DIP2C: variants seen among roughly 807,000 people sequenced by gnomAD.
The protein encoded by DIP2C is DIP2 acetate--CoA ligase C (putative).
A neutral mutation model predicts 192.4 loss-of-function variants in DIP2C; 33 were observed. The ratio of observed to expected loss-of-function variants is 0.17; its 90% CI spans 0.13 to 0.23. The LOEUF (loss-of-function observed/expected upper bound fraction) is 0.23. Among genes scored for constraint, DIP2C ranks in the 10% least tolerant of loss-of-function variants. The pLI, the probability that DIP2C is intolerant of heterozygous loss-of-function variation, is 1.00. For synonymous variants in DIP2C, 979 were observed against 864.1 expected (o/e 1.13, Z -2.33); for missense variants, 1,537 against 2,110.1 (o/e 0.73, Z 5.32).
chr10:668,868 T>C (rs1409003662), intron 1 of DIP2C: 2 of 152,340 alleles, frequency 1.3e-5, no homozygotes, highest in African/African-American at 2.4e-5. Context: ...AAACCCTTTT[T>C]TCATTTTACA....
chr10:421,151 C>A, intron 5 of DIP2C, among the ~76,000 whole-genome samples: 1 of 152,120 alleles, frequency 6.6e-6, no homozygotes, highest in East Asian at 1.9e-4. Context: ...GGAAGATTAT[C>A]TTTGTGCCTA....
chr10:353,074 A>T (rs1958901432), intron 24 of DIP2C, among the ~76,000 whole-genome samples: 1 of 152,164 alleles, frequency 6.6e-6, no homozygotes, highest in Non-Finnish European at 1.5e-5. Context: ...GAAACCCACC[A>T]GCTAAGAAGA....
intron 2 of DIP2C, among the ~76,000 whole-genome samples, chr10:473,922 T>A (rs942201823): frequency 6.6e-6 from 1 of 152,186 alleles, no homozygotes; most frequent in African/African-American, 2.4e-5. Flanking sequence ...GTGGGTCTCA[T>A]GTATCAGGCT....
intron 1 of DIP2C, among the ~76,000 whole-genome samples, chr10:681,227 G>A (rs1459067377): frequency 2.0e-5 from 3 of 146,760 alleles, no homozygotes; most frequent in Admixed American, 6.8e-5. Flanking sequence ...CTATGGCCAC[G>A]GATATTGGGA....
At chr10:639,218 C>T (rs1285766211) in intron 1 of DIP2C, among the ~76,000 whole-genome samples, 2 of 147,714 alleles carry the variant, frequency 1.4e-5, no homozygotes, top group Admixed American at 6.7e-5. Context: ...TGCTGCCCGG[C>T]TCACGGTCCA....
rs1279834083 is a variant in DIP2C, at chr10:362,705, A to G, written c.2593-14T>C. 3.1e-6 allele frequency: 5 copies of G among 1,594,496 alleles called. No homozygotes were observed. Among genetic ancestry groups the G allele is most frequent in the Non-Finnish European group, 3.4e-6 (4 of 1,169,912 alleles). On this transcript the variant is annotated splice_polypyrimidine_tract_variant and intron_variant, in intron 21 of 36. Transcript: ENST00000280886. The stretch of plus-strand genomic sequence containing the variant: ...ACTGTCAATCGCCTAGAAAGTTAAT[A>G]AAGAGGAAATCATGTTATAAGAGGA...
At chr10:493,026 G>A (rs1001826420) in intron 1 of DIP2C, among the ~76,000 whole-genome samples, 11 of 152,214 alleles carry the variant, frequency 7.2e-5, no homozygotes, top group South Asian at 2.1e-4. Flanking sequence ...GCAGTGTGCC[G>A]CGCGGAGCAG....
At chr10:476,250 G>A (rs569585110) in intron 2 of DIP2C, among the ~76,000 whole-genome samples, 8 of 152,284 alleles carry the variant, frequency 5.3e-5, no homozygotes, top group African/African-American at 1.9e-4. Flanking sequence ...TCTCCTCCCA[G>A]GAGCACCTGC....
At chr10:329,775 C>T (rs552685452) in intron 29 of DIP2C, among the ~76,000 whole-genome samples, 174 bp from the exon 30 acceptor site, 6 of 152,308 alleles carry the variant, frequency 3.9e-5, no homozygotes, top group Middle Eastern at 3.4e-3. Context: ...ACCATGTTCA[C>T]GAAAGCCTTC....
intron 1 of DIP2C, among the ~76,000 whole-genome samples, chr10:557,074 G>A (rs946610809): frequency 1.3e-5 from 2 of 152,248 alleles, no homozygotes; most frequent in African/African-American, 4.8e-5. Context: ...GCTGGTCAGT[G>A]TGGCCCACGG....
At chr10:298,987 G>C (rs1172357617) in intron 32 of DIP2C, among the ~76,000 whole-genome samples, 1 of 152,212 alleles carries the variant, frequency 6.6e-6, no homozygotes, top group African/African-American at 2.4e-5. Context: ...ATATGTTTAT[G>C]AGCATGTGTA....
chr10:310,565 G>C (rs1252100795), intron 31 of DIP2C, among the ~76,000 whole-genome samples: 1 of 152,202 alleles, frequency 6.6e-6, no homozygotes, highest in East Asian at 1.9e-4. Flanking sequence ...GGAGCATCTT[G>C]CTCCTCCGGG....
intron 31 of DIP2C, among the ~76,000 whole-genome samples, chr10:320,570 G>A (rs1378086376): frequency 6.6e-6 from 1 of 151,944 alleles, no homozygotes; most frequent in Non-Finnish European, 1.5e-5. Context: ...ATCCAGAAGT[G>A]ACTGTGATGA....
rs199506044 is a variant in DIP2C at position 434,714 on chromosome 10, AC to A, written c.394+6156del. Reference sequence around the variant, plus strand: ...CTGAGAAAGTCTTTACTTTTCCTTCACTTTTTGAAAGATAATTTCACAGGGT... The same window carrying A: ...CTGAGAAAGTCTTTACTTTTCCTTCATTTTTGAAAGATAATTTCACAGGGT... On this transcript the variant is annotated intron_variant, in intron 4 of 36. Coordinates refer to ENST00000280886, the MANE Select transcript of DIP2C (RefSeq NM_014974.3). Among the ~76,000 whole-genome samples the A allele has an allele frequency of 1.5e-3, 212 of 140,920 alleles. 2 individuals are homozygous for A. Among genetic ancestry groups the A allele is most frequent in the African/African-American group, 6.8e-3 (209 of 30,734 alleles). 92.4% of individuals were successfully genotyped at this position (140,920 alleles called of 152,430 possible).
intron 1 of DIP2C, among the ~76,000 whole-genome samples, chr10:554,172 A>G (rs558478104): frequency 6.6e-6 from 1 of 151,946 alleles, no homozygotes; most frequent in Non-Finnish European, 1.5e-5. Context: ...GTGGTGAACA[A>G]GCAAGAAATA....
In DIP2C at chr10:416,295, A is replaced by C. The variant is rs367689338; in HGVS notation, c.740-407T>G. ...GAGCAGTAAGTCCTTCCCTGCGTCT[A>C]TCTCTCCAGAGACCACCAGCATTCA... On this transcript the variant is annotated intron_variant, in intron 6 of 36. Coordinates refer to ENST00000280886, the MANE Select transcript of DIP2C (RefSeq NM_014974.3). 4.6e-5 allele frequency among the ~76,000 whole-genome samples: 7 copies of C among 152,008 alleles called. No individual in the cohort carries two copies. In the East Asian group the frequency reaches 7.7e-4, roughly 17 times the overall value.
chr10:375,895 G>A (rs1396489839), intron 17 of DIP2C, among the ~76,000 whole-genome samples: 4 of 152,082 alleles, frequency 2.6e-5, no homozygotes, highest in Non-Finnish European at 4.4e-5. Flanking sequence ...TTATACGGGC[G>A]ATCTCCAATG....
intron 1 of DIP2C, among the ~76,000 whole-genome samples, chr10:522,520 C>G (rs1460784088): frequency 6.6e-6 from 1 of 152,272 alleles, no homozygotes; most frequent in Non-Finnish European, 1.5e-5. Context: ...TTCCCAGCCA[C>G]AAGTGAGGGT....
intron 1 of DIP2C, among the ~76,000 whole-genome samples, chr10:495,005 CAG>C (rs775786257): frequency 3.9e-5 from 6 of 152,198 alleles, no homozygotes; most frequent in Non-Finnish European, 5.9e-5. Flanking sequence ...AGTGGATGAA[CAG>C]AGAAATCATG....
Sources: allele counts gnomAD v4.1 joint callset (sites outside exome capture counted in the v4.1 genomes callset), GRCh38; gene constraint gnomAD v4.1.1; transcripts MANE v1.5; gene names NCBI Gene and HGNC (gene_info 2026-07-23, HGNC 2026-07-21).